The following KLHL4 variants were observed in gnomAD, a reference collection of about 807,000 sequenced individuals.
The protein encoded by KLHL4 is kelch-like protein 4.
In KLHL4, 17 loss-of-function variants were observed where a neutral mutation model predicts 45.8. The ratio of observed to expected loss-of-function variants is 0.37; its 90% CI spans 0.25 to 0.56. KLHL4 has a LOEUF of 0.56. KLHL4 is among the 20% of genes least tolerant of loss of function. The pLI is 0.79. For synonymous variants in KLHL4, 224 were observed against 189.9 expected (o/e 1.18, Z -1.47); for missense variants, 544 against 544.9 (o/e 1.00, Z 0.02).
At chrX:87,527,356 T>G (rs1358052263) in intron 1 of KLHL4, among the ~76,000 whole-genome samples, 1 of 111,753 alleles carries the variant, frequency 8.9e-6, no homozygotes, top group Non-Finnish European at 1.9e-5. Flanking sequence ...TAACCACTTA[T>G]ACTCTTTGTC....
At chrX:87,532,947 G>C (rs1324881346) in intron 1 of KLHL4, among the ~76,000 whole-genome samples, 1 of 108,982 alleles carries the variant, frequency 9.2e-6, no homozygotes, top group Non-Finnish European at 1.9e-5. Context: ...AAAAACACAT[G>C]AAAAAATGCT....
At chrX:87,563,391 A>G (rs1466861445) in intron 1 of KLHL4, among the ~76,000 whole-genome samples, 4 of 109,975 alleles carry the variant, frequency 3.6e-5, no homozygotes, top group Non-Finnish European at 5.7e-5. Context: ...AATGAAATTC[A>G]AGATAACACA....
chrX:87,530,525 G>GT (rs1172699753), intron 1 of KLHL4, among the ~76,000 whole-genome samples: 3 of 98,357 alleles, frequency 3.1e-5, no homozygotes, highest in Non-Finnish European at 6.0e-5. Flanking sequence ...GCGGTGTTTG[G>GT]TTTTTTGTCC....
intron 3 of KLHL4, among the ~76,000 whole-genome samples, chrX:87,617,397 A>G (rs1331511819): frequency 9.0e-6 from 1 of 110,825 alleles, no homozygotes; most frequent in Non-Finnish European, 1.9e-5. Flanking sequence ...CTTACAAAAT[A>G]AACGGACAAT....
intron 1 of KLHL4, among the ~76,000 whole-genome samples, chrX:87,519,588 G>A (rs748531983): frequency 2.7e-5 from 3 of 112,373 alleles, no homozygotes; most frequent in East Asian, 2.8e-4. Context: ...AATAAAGCAC[G>A]TATGTGTGAA....
chrX:87,645,048 G>T (rs985655142), intron 9 of KLHL4, among the ~76,000 whole-genome samples: 21 of 111,597 alleles, frequency 1.9e-4, no homozygotes, highest in African/African-American at 6.8e-4. Flanking sequence ...AGCTAAATAG[G>T]TGGGACCTAA....
chrX:87,666,424 AT>A, intron 10 of KLHL4, 50 bp from the exon 11 acceptor site: 1 of 1,118,939 alleles, frequency 8.9e-7, no homozygotes, highest in East Asian at 3.0e-5. Context: ...ATTTTATATT[AT>A]GCTGAAATCA....
intron 1 of KLHL4, among the ~76,000 whole-genome samples, chrX:87,562,815 A>C (rs2147785726): frequency 8.9e-6 from 1 of 111,783 alleles, no homozygotes; most frequent in African/African-American, 3.2e-5. Context: ...GGGTGAAAAC[A>C]AATAGTGTGC....
intron 1 of KLHL4, among the ~76,000 whole-genome samples, chrX:87,605,531 G>A (rs1460678861): frequency 1.8e-5 from 2 of 110,095 alleles, no homozygotes; most frequent in African/African-American, 3.3e-5. Flanking sequence ...TTATTTTTGA[G>A]ATAGCTTGCT....
chrX:87,554,335 T>G (rs1443799184), intron 1 of KLHL4, among the ~76,000 whole-genome samples: 2 of 93,091 alleles, frequency 2.1e-5, no homozygotes, highest in Admixed American at 1.4e-4. Context: ...CGATATTGAT[T>G]CTTCCTACTC....
intron 6 of KLHL4, among the ~76,000 whole-genome samples, chrX:87,626,992 G>A (rs1602451703): frequency 8.9e-6 from 1 of 112,105 alleles, no homozygotes; most frequent in Non-Finnish European, 1.9e-5. Context: ...GCTTTAAAGA[G>A]AGAGTTTGGA....
intron 1 of KLHL4, among the ~76,000 whole-genome samples, chrX:87,541,492 CAAAAAA>C (rs34665491): frequency 2.3e-5 from 1 of 44,404 alleles, no homozygotes; most frequent in Admixed American, 4.8e-4. Flanking sequence ...CTCCATCTCA[CAAAAAA>C]AAAAAAAAAA....
At chrX:87,587,375 A>C (rs1446651573) in intron 1 of KLHL4, among the ~76,000 whole-genome samples, 1 of 111,035 alleles carries the variant, frequency 9.0e-6, no homozygotes, top group Non-Finnish European at 1.9e-5. Flanking sequence ...TAGATGGAAA[A>C]TATTGATGCA....
intron 10 of KLHL4, among the ~76,000 whole-genome samples, 173 bp from the exon 11 acceptor site, chrX:87,666,302 T>C (rs1924366423): frequency 1.8e-5 from 2 of 111,747 alleles, no homozygotes; most frequent in Admixed American, 1.9e-4. Flanking sequence ...CTAAAGGCTA[T>C]GTTTTTTCCA....
At chrX:87,553,834 A>G (rs772139668) in intron 1 of KLHL4, among the ~76,000 whole-genome samples, 1 of 110,563 alleles carries the variant, frequency 9.0e-6, no homozygotes, top group East Asian at 2.9e-4. Flanking sequence ...GTTTTCTTCT[A>G]GGGTTTTTAT....
chrX:87,598,706 C>T (rs2147804429), intron 1 of KLHL4, among the ~76,000 whole-genome samples: 1 of 111,433 alleles, frequency 9.0e-6, no homozygotes, highest in East Asian at 2.8e-4. Flanking sequence ...TGTTTAAACT[C>T]TCAGCTTAGC....
At chrX:87,624,532 T>C (rs1045887641) in intron 5 of KLHL4, among the ~76,000 whole-genome samples, 1 of 111,503 alleles carries the variant, frequency 9.0e-6, no homozygotes, top group Non-Finnish European at 1.9e-5. Flanking sequence ...AGAACAGAAC[T>C]GAAATTAACA....
chrX:87,528,415 C>CA (rs1263376854), intron 1 of KLHL4, among the ~76,000 whole-genome samples: 8 of 110,636 alleles, frequency 7.2e-5, no homozygotes, highest in Non-Finnish European at 1.3e-4. Flanking sequence ...TAAAGAAACT[C>CA]ACAGTTGCAC....
chrX:87,666,145 G>A (rs1393690008), intron 10 of KLHL4, among the ~76,000 whole-genome samples: 2 of 111,479 alleles, frequency 1.8e-5, no homozygotes, highest in Admixed American at 1.9e-4. Context: ...ACTACTAAGT[G>A]CAAATTGTCA....
Sources: allele counts gnomAD v4.1 joint callset (sites outside exome capture counted in the v4.1 genomes callset), GRCh38; gene constraint gnomAD v4.1.1; transcripts MANE v1.5; gene names NCBI Gene and HGNC (gene_info 2026-07-23, HGNC 2026-07-21).